The following UBE2R2 variants were observed in gnomAD, a reference collection of about 807,000 sequenced individuals.
UBE2R2 encodes the protein ubiquitin conjugating enzyme E2 R2.
In UBE2R2, 1 loss-of-function variant was observed where a neutral mutation model predicts 27.8. The ratio of observed to expected loss-of-function variants is 0.04; its 90% CI spans 0.01 to 0.17. UBE2R2 has a LOEUF of 0.17. Ranked by LOEUF, UBE2R2 falls within the 10% of genes least tolerant of loss-of-function variation. The pLI is 1.00. For synonymous variants in UBE2R2, 106 were observed against 113.3 expected (o/e 0.94, Z 0.41); for missense variants, 100 against 291.0 (o/e 0.34, Z 4.78).
intron 1 of UBE2R2, among the ~76,000 whole-genome samples, chr9:33,886,341 TGA>T (rs1181145915): frequency 6.6e-6 from 1 of 152,090 alleles, no homozygotes; most frequent in East Asian, 1.9e-4. Flanking sequence ...TGAGTGAGTG[TGA>T]GTTTTGGTGA....
intron 1 of UBE2R2, among the ~76,000 whole-genome samples, chr9:33,886,337 AGTGT>A (rs768721857): frequency 2.0e-5 from 3 of 151,912 alleles, no homozygotes; most frequent in Non-Finnish European, 2.9e-5. Context: ...TATGTGAGTG[AGTGT>A]GAGTTTTGGT....
intron 1 of UBE2R2, among the ~76,000 whole-genome samples, chr9:33,872,382 C>A (rs773252588): frequency 1.3e-5 from 2 of 151,886 alleles, no homozygotes; most frequent in Non-Finnish European, 2.9e-5. Context: ...CAGAGTGAGA[C>A]CTTGTTTCAA....
intron 4 of UBE2R2, among the ~76,000 whole-genome samples, chr9:33,913,832 T>C (rs1051424192): frequency 6.6e-6 from 1 of 152,194 alleles, no homozygotes. Flanking sequence ...AGCTGTCTTT[T>C]ATGGGATTAC....
intron 1 of UBE2R2, among the ~76,000 whole-genome samples, chr9:33,823,536 C>T (rs551840844): frequency 3.3e-5 from 5 of 152,044 alleles, no homozygotes; most frequent in South Asian, 2.1e-4. Flanking sequence ...CCAGCACGCC[C>T]GGTTAATTTT....
At chr9:33,887,070 C>A in intron 2 of UBE2R2, 103 bp downstream of exon 2, 2 of 903,782 alleles carry the variant, frequency 2.2e-6, no homozygotes, top group Non-Finnish European at 3.3e-6. Flanking sequence ...GCTTTTGTAG[C>A]CATAGAGAAA....
intron 2 of UBE2R2, among the ~76,000 whole-genome samples, chr9:33,893,183 T>C (rs545445851): frequency 1.3e-5 from 2 of 152,320 alleles, no homozygotes; most frequent in South Asian, 4.1e-4. Flanking sequence ...TTTCCATCAC[T>C]CCAACTTAAA....
At chr9:33,897,799 G>A (rs1822152607) in intron 2 of UBE2R2, among the ~76,000 whole-genome samples, 1 of 137,380 alleles carries the variant, frequency 7.3e-6, no homozygotes, top group Non-Finnish European at 1.5e-5. Flanking sequence ...TTTTGAGATG[G>A]AGTTTTGGTC....
rs1453136162 is a variant in UBE2R2, at chr9:33,918,905, C to T, written c.*1668C>T. On this transcript the variant is annotated 3_prime_UTR_variant, in exon 5 of 5. Transcript: ENST00000263228. ...CCATTCTGATCTCAGGGTTTTCACTCTTCAAACTCCCAAACACATGACTTC... is the reference window on the plus strand; with the variant it reads ...CCATTCTGATCTCAGGGTTTTCACTTTTCAAACTCCCAAACACATGACTTC... The T allele has an allele frequency of 2.0e-5, 3 of 152,856 alleles. No individual in the cohort carries two copies. The highest frequency in any genetic ancestry group is 4.4e-5 in the Non-Finnish European group (3 of 68,226). The allele number at this position is 152,856 out of a possible 1,614,324, so 9.5% of individuals were successfully genotyped here.
chr9:33,818,857 G>C (rs974676199), intron 1 of UBE2R2: 3 of 152,152 alleles, frequency 2.0e-5, no homozygotes, highest in African/African-American at 7.2e-5. Context: ...CGTTTCTCTG[G>C]GTGGGATGTA....
intron 1 of UBE2R2, among the ~76,000 whole-genome samples, chr9:33,844,725 G>A (rs749870102): frequency 1.3e-4 from 19 of 151,820 alleles, no homozygotes; most frequent in Non-Finnish European, 2.4e-4. Context: ...AGTAACATAT[G>A]TTGAGTCCTC....
In UBE2R2 at chr9:33,832,264, C is replaced by T. The variant is rs549110368; in HGVS notation, c.177+14330C>T. ...CAGAGGTTGCAGTGAGCTGAGATTG[C>T]GCCATTGCACTCCAGCCTGGGCAAC... On this transcript the variant is annotated intron_variant, in intron 1 of 4. Coordinates refer to ENST00000263228, the MANE Select transcript of UBE2R2 (RefSeq NM_017811.4). Among the ~76,000 whole-genome samples the T allele has an allele frequency of 1.3e-4, 19 of 150,180 alleles. No individual in the cohort carries two copies. In the South Asian group the frequency reaches 2.1e-3, roughly 17 times the overall value.
chr9:33,815,698 C>T (rs1406821738), upstream of UBE2R2, among the ~76,000 whole-genome samples: 1 of 152,188 alleles, frequency 6.6e-6, no homozygotes, highest in African/African-American at 2.4e-5. Context: ...GAGCTATAAT[C>T]ACTCTACTGT....
intron 2 of UBE2R2, among the ~76,000 whole-genome samples, chr9:33,888,061 C>T (rs933176180): frequency 7.9e-5 from 12 of 152,124 alleles, no homozygotes; most frequent in African/African-American, 2.9e-4. Flanking sequence ...AGTTAAATTC[C>T]GTTGTGATCT....
chr9:33,821,679 G>A (rs1378740681), intron 1 of UBE2R2, among the ~76,000 whole-genome samples: 2 of 151,606 alleles, frequency 1.3e-5, no homozygotes, highest in African/African-American at 4.8e-5. Flanking sequence ...GCAGTGGCAC[G>A]ATCTCAGCTC....
At chr9:33,880,692 A>G (rs2050789) in intron 1 of UBE2R2, among the ~76,000 whole-genome samples, 18,653 of 152,178 alleles carry the variant, frequency 0.12, 1,699 homozygotes, top group East Asian at 0.46. Flanking sequence ...CTGATCTGGT[A>G]CAACTCTGTG....
intron 1 of UBE2R2, among the ~76,000 whole-genome samples, chr9:33,857,793 CAG>C (rs1821142951): frequency 6.6e-6 from 1 of 152,156 alleles, no homozygotes; most frequent in Non-Finnish European, 1.5e-5. Context: ...TAGAAATTGA[CAG>C]ATTGTTGAAC....
intron 1 of UBE2R2, among the ~76,000 whole-genome samples, chr9:33,844,501 G>A (rs888867793): frequency 1.4e-4 from 21 of 145,902 alleles, no homozygotes; most frequent in African/African-American, 4.6e-4. Flanking sequence ...ACCACGCCTA[G>A]CTGTCCCACA....
chr9:33,910,193 G>A (rs1822453092), intron 3 of UBE2R2, among the ~76,000 whole-genome samples: 1 of 152,108 alleles, frequency 6.6e-6, no homozygotes. Context: ...TGCCCATGCT[G>A]GAGTACAGTG....
In UBE2R2 at chr9:33,822,876, TTC is replaced by T. The variant is rs535227021; in HGVS notation, c.177+4944_177+4945del. 2.8e-3 allele frequency among the ~76,000 whole-genome samples: 418 copies of T among 151,406 alleles called. 2 individuals carry two copies. Among genetic ancestry groups the T allele is most frequent in the African/African-American group, 9.3e-3 (382 of 41,252 alleles). On this transcript the variant is annotated intron_variant, in intron 1 of 4. Coordinates refer to ENST00000263228, the MANE Select transcript of UBE2R2 (RefSeq NM_017811.4). ...TGGCAATGTCATTTAGATATTTTAT[TTC>T]TTTTTTTTCTTTTTCTTCTTCTTAT...
Sources: gnomAD v4.1 joint callset for allele counts (sites outside exome capture counted in the v4.1 genomes callset) on GRCh38, gnomAD v4.1.1 for gene constraint, MANE v1.5 for transcripts, NCBI Gene and HGNC (gene_info 2026-07-23, HGNC 2026-07-21) for gene names.